Variants in KCNQ1 observed in about 807,000 individuals in gnomAD.
KCNQ1 encodes potassium voltage-gated channel subfamily Q member 1.
Under a neutral mutation model 72.4 loss-of-function variants are expected in KCNQ1, and 49 were observed. The ratio of observed to expected loss-of-function variants is 0.68; its 90% CI spans 0.54 to 0.86. The LOEUF is 0.86. KCNQ1 is among the 40% of genes least tolerant of loss of function. The probability of loss-of-function intolerance (pLI) is 0.00; values close to 1 mark genes in which losing one functional copy is unlikely to be tolerated. For missense variants in KCNQ1, 790 were observed against 945.1 expected (o/e 0.84, Z 2.15); for synonymous variants, 450 against 412.6 (o/e 1.09, Z -1.10).
chr11:2,798,135 TTGTGGCCCA>T (rs1238213562), intron 15 of KCNQ1, among the ~76,000 whole-genome samples: 4 of 73,504 alleles, frequency 5.4e-5, no homozygotes, highest in East Asian at 2.9e-3. Flanking sequence ...GTGCCCCCAC[TTGTGGCCCA>T]GGCCCAAGCA....
chr11:2,530,222 A>G (rs1201796615), intron 2 of KCNQ1, among the ~76,000 whole-genome samples: 5 of 152,166 alleles, frequency 3.3e-5, no homozygotes, highest in African/African-American at 1.2e-4. Context: ...CAGGATCCCC[A>G]AGTCCTCCTC....
intron 10 of KCNQ1, chr11:2,619,188 T>C: frequency 2.5e-6 from 1 of 398,550 alleles, no homozygotes. Context: ...GTCTGTTTGG[T>C]TGTACTAGTA....
intron 1 of KCNQ1, among the ~76,000 whole-genome samples, chr11:2,501,718 CAAAAAAAAAAAAA>C (rs55865890): frequency 1.7e-4 from 12 of 68,906 alleles, no homozygotes; most frequent in East Asian, 8.9e-4. Context: ...AAAGATACAT[CAAAAAAAAAAAAA>C]AAAAAAAAAA....
chr11:2,643,477 G>T, intron 10 of KCNQ1: 1 of 398,346 alleles, frequency 2.5e-6, no homozygotes. Flanking sequence ...AGCTACTCCT[G>T]TTTGGTTTTT....
At position 2,475,293 on chromosome 11, in the gene KCNQ1, C is replaced by T. The variant is rs1050586603; in HGVS notation, c.386+29809C>T. Among the ~76,000 whole-genome samples the T allele has an allele frequency of 6.6e-6, 1 of 152,108 alleles. No homozygotes were observed. Among genetic ancestry groups the T allele is most frequent in the African/African-American group, 2.4e-5 (1 of 41,406 alleles). On this transcript the variant is annotated intron_variant, in intron 1 of 15. Coordinates refer to ENST00000155840, the MANE Select transcript of KCNQ1 (RefSeq NM_000218.3). This position sits in a 1 kb window ranked among gnomAD's most constrained non-coding sequence, Gnocchi z 5.8. ...CGAGCGTCCTGTCTTCACTGTCCGC[C>T]GTGTTATAACACGCAAGGGAATTCC...
At chr11:2,662,112 G>C in intron 11 of KCNQ1, 31 bp downstream of exon 11, 4 of 1,613,912 alleles carry the variant, frequency 2.5e-6, no homozygotes, top group South Asian at 1.1e-5. Flanking sequence ...GAAGGGCTGG[G>C]CTGGAGGGGA....
intron 10 of KCNQ1, chr11:2,631,229 C>G (rs1181145539): frequency 2.5e-6 from 1 of 398,506 alleles, no homozygotes; most frequent in East Asian, 3.6e-5. Flanking sequence ...AACATTAACT[C>G]TCCTGATGGT....
At position 2,695,378 on chromosome 11, in the gene KCNQ1, G is replaced by A. The variant is rs970627945; in HGVS notation, c.1514+33297G>A. 2 of 398,370 alleles carry A rather than the reference G, an allele frequency of 5.0e-6. No homozygotes were observed. Among genetic ancestry groups the A allele is most frequent in the Non-Finnish European group, 8.8e-6 (2 of 226,064 alleles). 24.7% of individuals were successfully genotyped at this position (398,370 alleles called of 1,614,324 possible). A position where few individuals can be genotyped will look rare whatever the true frequency, so the allele number is the denominator to read the frequency against. ...AGCACTCCCTAGTACTGCGTGTCTG[G>A]GTGGTGTGTAATTTTAATTTAAATA... On this transcript the variant is annotated intron_variant, in intron 11 of 15. Coordinates refer to ENST00000155840, the MANE Select transcript of KCNQ1 (RefSeq NM_000218.3). This position sits in a 1 kb window ranked among gnomAD's most constrained non-coding sequence, Gnocchi z 5.2.
chr11:2,837,900 C>T (rs1848110458), intron 15 of KCNQ1, among the ~76,000 whole-genome samples: 2 of 152,148 alleles, frequency 1.3e-5, no homozygotes, highest in African/African-American at 4.8e-5. Context: ...AGCAGGGATG[C>T]CTCAAAGGTT....
At chr11:2,635,585 C>T (rs1849450999) in intron 10 of KCNQ1, 1 of 152,116 alleles carries the variant, frequency 6.6e-6, no homozygotes, top group South Asian at 2.1e-4. Flanking sequence ...GTGACTGTAG[C>T]CTTGTAGTAT....
At chr11:2,461,873 G>A (rs931725072) in intron 1 of KCNQ1, 7 of 488,450 alleles carry the variant, frequency 1.4e-5, no homozygotes, top group Admixed American at 2.8e-5. Context: ...TGGACGGAGG[G>A]ATGGGCAGGG....
At chr11:2,556,615 T>C (rs1848074191) in intron 2 of KCNQ1, among the ~76,000 whole-genome samples, 1 of 152,226 alleles carries the variant, frequency 6.6e-6, no homozygotes, top group African/African-American at 2.4e-5. Flanking sequence ...GAGAAAAAGC[T>C]TGTCAAGCCC....
intron 2 of KCNQ1, among the ~76,000 whole-genome samples, chr11:2,533,680 T>A (rs986173995): frequency 9.9e-5 from 15 of 152,106 alleles, no homozygotes; most frequent in African/African-American, 3.6e-4. Context: ...TGGGAAGGAG[T>A]TCCCGGTTTG....
Position 2,674,583 on chromosome 11 carries a change from T to C in KCNQ1, c.1514+12502T>C, listed in dbSNP as rs183069391. ...GAGTGAATCTGAAGCATGCTAGTTG[T>C]GTTGCCTTTTAAATAGGCTCTGGCT... On this transcript the variant is annotated intron_variant, in intron 11 of 15. Transcript: ENST00000155840. The surrounding 1 kb of genome is among the most constrained non-coding windows in gnomAD (Gnocchi z 5.9). 2.1e-4 allele frequency: 85 copies of C among 398,642 alleles called. No individual in the cohort carries two copies. The South Asian group carries it at 0.01, about 48-fold the overall frequency. The allele number at this position is 398,642 out of a possible 1,614,324, so 24.7% of individuals were successfully genotyped here. A position where few individuals can be genotyped will look rare whatever the true frequency, so the allele number is the denominator to read the frequency against.
rs769394126 is a variant in KCNQ1, at chr11:2,547,066, G to A, written c.477+19048G>A. ...AGTCAAACTATTTTTCTCCTGAAAA[G>A]TACAGCTAATTTGCATTTATTCATA... On this transcript the variant is annotated intron_variant, in intron 2 of 15. Transcript: ENST00000155840. This position sits in a 1 kb window ranked among gnomAD's most constrained non-coding sequence, Gnocchi z 4.2. Among the ~76,000 whole-genome samples, 2 of 152,172 alleles carry A rather than the reference G, an allele frequency of 1.3e-5. No homozygotes were observed. Among genetic ancestry groups the A allele is most frequent in the Non-Finnish European group, 2.9e-5 (2 of 68,032 alleles).
intron 10 of KCNQ1, chr11:2,622,092 T>C (rs771055013): frequency 5.8e-5 from 23 of 398,266 alleles, no homozygotes; most frequent in Non-Finnish European, 1.0e-4. Flanking sequence ...TGTCTGAAGA[T>C]ATTTTTAAGT....
intron 11 of KCNQ1, chr11:2,696,965 C>G: frequency 2.5e-6 from 1 of 398,276 alleles, no homozygotes. Flanking sequence ...TGTTAAGTTC[C>G]TTAATTTTTT....
chr11:2,589,166 C>T (rs961544157), intron 10 of KCNQ1, among the ~76,000 whole-genome samples: 1 of 152,204 alleles, frequency 6.6e-6, no homozygotes, highest in South Asian at 2.1e-4. Context: ...TGGCTTCCTC[C>T]CAGCCGAGCC....
At chr11:2,555,651 A>G (rs1564815619) in intron 2 of KCNQ1, among the ~76,000 whole-genome samples, 1 of 152,248 alleles carries the variant, frequency 6.6e-6, no homozygotes, top group Non-Finnish European at 1.5e-5. Flanking sequence ...CAGAGGATTC[A>G]GGGCCTGATT....
Sources: allele counts gnomAD v4.1 joint callset (sites outside exome capture counted in the v4.1 genomes callset), GRCh38; gene constraint gnomAD v4.1.1; non-coding constraint Gnocchi (gnomAD v3.1); transcripts MANE v1.5; gene names NCBI Gene and HGNC (gene_info 2026-07-23, HGNC 2026-07-21).